The following LATS2 variants were observed in gnomAD, a reference collection of about 807,000 sequenced individuals.
LATS2 encodes the protein large tumor suppressor kinase 2, also known as serine/threonine-protein kinase LATS2.
In LATS2, 24 loss-of-function variants were observed where a neutral mutation model predicts 76.0. The ratio of observed to expected loss-of-function variants is 0.32; its 90% CI spans 0.23 to 0.44. The LOEUF is 0.44. Among genes scored for constraint, LATS2 ranks in the 20% least tolerant of loss-of-function variants. The pLI, the probability that LATS2 is intolerant of heterozygous loss-of-function variation, is 1.00. For synonymous variants in LATS2, 692 were observed against 635.4 expected (o/e 1.09, Z -1.34); for missense variants, 1,286 against 1,481.2 (o/e 0.87, Z 2.16).
rs1304367039 is a variant in LATS2, at chr13:20,987,885, G to A, written c.1895C>T (p.Ala632Val). Residue 632 changes from alanine to valine, a missense_variant, in exon 4 of 8, where the codon GCC becomes GTC. By Grantham distance (64) the Ala-to-Val change is moderately conservative (BLOSUM62 0). Around this residue, in one of 5 missense-constraint regions of LATS2, gnomAD observed 247 missense variants for 385.4 expected, o/e 0.64. Coordinates refer to ENST00000382592, the MANE Select transcript of LATS2 (RefSeq NM_014572.3). ...NRRLQLEQEM[A>V]KAGLCEAEQE... ...AAAAATGAAGTGTGAAATTACTTTG[G>A]CCATTTCTTGCTCCAGCTGCAGCCT... is the stretch of plus-strand genomic sequence containing the variant. The A allele has an allele frequency of 1.2e-6, 2 of 1,611,710 alleles. No individual in the cohort carries two copies. The highest frequency in any genetic ancestry group is 2.7e-5 in the African/African-American group (2 of 74,818).
intron 2 of LATS2, chr13:21,023,045 C>G (rs989120910): frequency 3.3e-5 from 5 of 152,238 alleles, no homozygotes; most frequent in African/African-American, 1.2e-4. Context: ...TCCAGCCCAG[C>G]AATCCCACTG....
chr13:21,056,356 T>A (rs932800323), intron 1 of LATS2, among the ~76,000 whole-genome samples: 1 of 152,030 alleles, frequency 6.6e-6, no homozygotes, highest in African/African-American at 2.4e-5. Context: ...CACTTCTACA[T>A]AAGCTTACAG....
chr13:21,020,895 C>G (rs1035242189), intron 2 of LATS2, among the ~76,000 whole-genome samples: 2 of 152,162 alleles, frequency 1.3e-5, no homozygotes, highest in African/African-American at 4.8e-5. Context: ...CAGACTGGAC[C>G]AAGGACACAC....
chr13:20,981,727 TC>T, intron 5 of LATS2, 79 bp from the exon 6 acceptor site: 2 of 1,239,568 alleles, frequency 1.6e-6, no homozygotes, highest in Non-Finnish European at 2.2e-6. Flanking sequence ...ACTCAACAGA[TC>T]CACAGCTTAA....
rs1418175497 is a variant in LATS2, at chr13:21,007,584, TATAG to T, written c.343-16184_343-16181del. Among the ~76,000 whole-genome samples, 23 of 17,600 alleles carry T rather than the reference TATAG, an allele frequency of 1.3e-3. 1 individual carries two copies. Among genetic ancestry groups the T allele is most frequent in the Non-Finnish European group, 1.5e-3 (19 of 12,398 alleles). 11.5% of individuals were successfully genotyped at this position (17,600 alleles called of 152,430 possible). ...ATATATATATATATATATATATATA[TATAG>T]TATATATATATATAGTGTGTATATA... On this transcript the variant is annotated intron_variant, in intron 2 of 7. Transcript: ENST00000382592.
chr13:20,997,583 T>G (rs1870810780), intron 2 of LATS2, among the ~76,000 whole-genome samples: 1 of 152,226 alleles, frequency 6.6e-6, no homozygotes, highest in Non-Finnish European at 1.5e-5. Context: ...TGATCTTCTC[T>G]GCTGTCCCTC....
Position 20,975,030 on chromosome 13 carries a change from G to T in LATS2, c.3107C>A (p.Ala1036Glu). The T allele has an allele frequency of 6.2e-7, 1 of 1,614,252 alleles. No homozygotes were observed. Among genetic ancestry groups the T allele is most frequent in the African/African-American group, 1.3e-5 (1 of 75,058 alleles). Residue 1036 changes from alanine to glutamate, a missense_variant, in exon 8 of 8, where the codon GCA becomes GAA. Transcript: ENST00000382592. ...CCTTCGGAAGGTGAATTCGTAAAAT[G>T]CGTGCTCAGGATGCTTGTTATTGGG... Reference protein sequence around the residue: ...TSPNNKHPEHAFYEFTFRRFF... With the variant: ...TSPNNKHPEHEFYEFTFRRFF...
At position 21,045,936 on chromosome 13, in the gene LATS2, T is replaced by C; in HGVS notation, c.91A>G (p.Lys31Glu). The change falls in exon 2 of 8, where the codon AAG (lysine) becomes GAG (glutamate). Residue 31 changes from lysine to glutamate, a missense_variant. By Grantham distance (56) the Lys-to-Glu change is moderately conservative (BLOSUM62 1). Coordinates refer to ENST00000382592, the MANE Select transcript of LATS2 (RefSeq NM_014572.3). ...GCGGGTAGCCCCTGAACCGAAGACT[T>C]GGATGGCTGTTTTAACCCCTCACGA... is the stretch of plus-strand genomic sequence containing the variant. The part of the protein sequence containing the change: ...EIREGLKQPS[K>E]SSVQGLPAGP... 1 of 1,614,176 alleles carries C rather than the reference T, an allele frequency of 6.2e-7. No homozygotes were observed. The highest frequency in any genetic ancestry group is 8.5e-7 in the Non-Finnish European group (1 of 1,180,020).
intron 2 of LATS2, among the ~76,000 whole-genome samples, chr13:21,024,682 C>G (rs546630082): frequency 1.3e-5 from 1 of 76,958 alleles, no homozygotes; most frequent in African/African-American, 4.9e-5. Context: ...TTGTCTTATA[C>G]CCACATTAAA....
intron 2 of LATS2, among the ~76,000 whole-genome samples, chr13:21,008,579 TA>T (rs1271385704): frequency 6.6e-6 from 1 of 152,118 alleles, no homozygotes. Context: ...ATTCAAAACT[TA>T]AATAGTCACA....
chr13:21,049,458 T>G (rs565379820), intron 1 of LATS2, among the ~76,000 whole-genome samples: 133 of 152,214 alleles, frequency 8.7e-4, no homozygotes, highest in African/African-American at 2.7e-3. Context: ...TATGGGACAT[T>G]TGCCCGGCCA....
In LATS2 at chr13:20,988,990, G is replaced by C; in HGVS notation, c.790C>G (p.Pro264Ala). The change falls in exon 4 of 8, where the codon CCC (proline) becomes GCC (alanine). Residue 264 changes from proline (P) to alanine (A), a missense_variant. Physicochemically the swap from Pro to Ala is conservative, Grantham distance 27. This residue lies in a region of LATS2 where 710 missense variants were observed against 660.9 expected (regional missense o/e 1.07). Transcript: ENST00000382592. ...CTGCGCTGCACTCCGTAGCCCAGGGGTTCCCCAGGCACCAGCAGGTGCGGC... is the reference window on the plus strand; with the variant it reads ...CTGCGCTGCACTCCGTAGCCCAGGGCTTCCCCAGGCACCAGCAGGTGCGGC... ...GRPHLLVPGE[P>A]LGYGVQRSPS... is the part of the protein sequence containing the mutation. 6.5e-7 allele frequency: 1 copy of C among 1,544,726 alleles called. No homozygotes were observed. Among genetic ancestry groups the C allele is most frequent in the Non-Finnish European group, 8.7e-7 (1 of 1,151,298 alleles).
At chr13:20,994,796 G>A (rs1412125632) in intron 2 of LATS2, among the ~76,000 whole-genome samples, 8 of 151,586 alleles carry the variant, frequency 5.3e-5, no homozygotes, top group African/African-American at 1.7e-4. Context: ...GTTGAGGCAG[G>A]AGGATTGCTT....
At chr13:20,997,546 C>T (rs1410449104) in intron 2 of LATS2, among the ~76,000 whole-genome samples, 2 of 152,208 alleles carry the variant, frequency 1.3e-5, no homozygotes, top group South Asian at 4.1e-4. Flanking sequence ...TGGTCCAGGC[C>T]TCTGTTGCAG....
At chr13:21,016,675 T>C (rs1871812218) in intron 2 of LATS2, among the ~76,000 whole-genome samples, 1 of 152,156 alleles carries the variant, frequency 6.6e-6, no homozygotes, top group South Asian at 2.1e-4. Context: ...AAACAGCAGC[T>C]CTCTGCTGCA....
At position 21,017,324 on chromosome 13, in the gene LATS2, A is replaced by G. The variant is rs377171544; in HGVS notation, c.343-25920T>C. ...CACTTCCCTTACATAGAGGTGATGC[A>G]ATCCTTTTTCTTTTTTTTGTTTTTA... On this transcript the variant is annotated intron_variant, in intron 2 of 7. Coordinates refer to ENST00000382592, the MANE Select transcript of LATS2 (RefSeq NM_014572.3). Among the ~76,000 whole-genome samples the G allele has an allele frequency of 1.5e-3, 232 of 152,232 alleles. 1 individual carries two copies. Among genetic ancestry groups the G allele is most frequent in the African/African-American group, 5.0e-3 (207 of 41,526 alleles).
chr13:21,048,392 C>T (rs1321117315), intron 1 of LATS2, among the ~76,000 whole-genome samples: 1 of 152,158 alleles, frequency 6.6e-6, no homozygotes, highest in East Asian at 1.9e-4. Flanking sequence ...AGAGAAAACA[C>T]AGCCATACTA....
intron 7 of LATS2, among the ~76,000 whole-genome samples, chr13:20,977,233 T>C (rs1244387497): frequency 6.6e-6 from 1 of 151,886 alleles, no homozygotes; most frequent in Non-Finnish European, 1.5e-5. Context: ...ACATCTCTAC[T>C]AAAAATACAA....
In LATS2 at chr13:20,988,737, A is replaced by G; in HGVS notation, c.1043T>C (p.Leu348Pro). 1.3e-6 allele frequency: 2 copies of G among 1,571,492 alleles called. No homozygotes were observed. The highest frequency in any genetic ancestry group is 1.3e-5 in the African/African-American group (1 of 74,178). ...FASDSPPQSL[L>P]TPSRNSLNVD... is the part of the protein sequence containing the mutation. ...GTTGAGGCTGTTCCGCGAGGGAGTG[A>G]GCAGGCTCTGCGGGGGGCTGTCGCT... Residue 348 changes from leucine to proline, a missense_variant, in exon 4 of 8, where the codon CTC (leucine) becomes CCC (proline). Physicochemically the swap from Leu to Pro is moderately conservative, Grantham distance 98. Around this residue, in one of 5 missense-constraint regions of LATS2, gnomAD observed 710 missense variants for 660.9 expected, o/e 1.07. Coordinates refer to ENST00000382592, the MANE Select transcript of LATS2 (RefSeq NM_014572.3).
Sources: allele counts gnomAD v4.1 joint callset (sites outside exome capture counted in the v4.1 genomes callset), GRCh38; gene constraint gnomAD v4.1.1; regional missense constraint gnomAD v4.1.1; transcripts MANE v1.5; gene names NCBI Gene and HGNC (gene_info 2026-07-23, HGNC 2026-07-21).